The following CWC27 variants were observed in gnomAD, a reference collection of about 807,000 sequenced individuals.
CWC27 encodes CWC27 spliceosome associated cyclophilin.
Under a neutral mutation model 63.6 loss-of-function variants are expected in CWC27, and 47 were observed. The observed-to-expected ratio is 0.74, with a 90% CI of 0.58 to 0.94. The LOEUF (loss-of-function observed/expected upper bound fraction) is 0.94. CWC27 is among the 40% of genes least tolerant of loss of function. The pLI is 0.00. For synonymous variants in CWC27, 175 were observed against 179.8 expected (o/e 0.97, Z 0.22); for missense variants, 495 against 554.3 (o/e 0.89, Z 1.07).
At chr5:64,932,503 A>C (rs1327497527) in intron 11 of CWC27, among the ~76,000 whole-genome samples, 1 of 152,210 alleles carries the variant, frequency 6.6e-6, no homozygotes, top group Non-Finnish European at 1.5e-5. Context: ...GGTTTATAGA[A>C]TCATAAGGCT....
chr5:64,866,605 GTCATT>G (rs1362124875), intron 10 of CWC27, among the ~76,000 whole-genome samples: 1 of 151,970 alleles, frequency 6.6e-6, no homozygotes, highest in Non-Finnish European at 1.5e-5. Flanking sequence ...ATGTTGGGCT[GTCATT>G]TCATTCAACT....
chr5:64,914,253 C>T (rs1349814644), intron 11 of CWC27, among the ~76,000 whole-genome samples: 4 of 151,960 alleles, frequency 2.6e-5, no homozygotes, highest in South Asian at 2.1e-4. Context: ...CTTCATGTAG[C>T]GATTGAAGGA....
At chr5:64,852,412 C>A (rs1487841240) in intron 10 of CWC27, among the ~76,000 whole-genome samples, 1 of 152,064 alleles carries the variant, frequency 6.6e-6, no homozygotes, top group Non-Finnish European at 1.5e-5. Context: ...TATCTAAGAT[C>A]TACTTCAGGG....
At chr5:65,005,685 A>T (rs1749829437) in intron 13 of CWC27, among the ~76,000 whole-genome samples, 1 of 152,132 alleles carries the variant, frequency 6.6e-6, no homozygotes, top group South Asian at 2.1e-4. Context: ...GGTGAAGTAA[A>T]CCTCTCTAAA....
At chr5:64,938,360 A>G (rs1258474408) in intron 11 of CWC27, among the ~76,000 whole-genome samples, 1 of 152,094 alleles carries the variant, frequency 6.6e-6, no homozygotes, top group Non-Finnish European at 1.5e-5. Context: ...TCCTTCACTT[A>G]TGAAGCTTAG....
At chr5:64,873,388 T>C (rs997707486) in intron 10 of CWC27, among the ~76,000 whole-genome samples, 2 of 152,048 alleles carry the variant, frequency 1.3e-5, no homozygotes, top group African/African-American at 4.8e-5. Context: ...TAAATAGGTC[T>C]TCTCTGTGAT....
intron 10 of CWC27, among the ~76,000 whole-genome samples, chr5:64,873,999 C>T (rs992114238): frequency 1.3e-5 from 2 of 151,964 alleles, no homozygotes; most frequent in South Asian, 4.2e-4. Context: ...TGATAATTCA[C>T]ATGTTTTGTC....
At chr5:64,893,973 A>G in intron 11 of CWC27, among the ~76,000 whole-genome samples, 1 of 145,376 alleles carries the variant, frequency 6.9e-6, no homozygotes, top group African/African-American at 2.6e-5. Flanking sequence ...CCTGTTGCTG[A>G]GGCTTGAGTG....
chr5:64,855,085 G>A (rs1746219891), intron 10 of CWC27, among the ~76,000 whole-genome samples: 1 of 152,130 alleles, frequency 6.6e-6, no homozygotes, highest in South Asian at 2.1e-4. Flanking sequence ...TACAGTGAAT[G>A]TGGTCATGTT....
chr5:64,901,187 G>T (rs540053765), intron 11 of CWC27, among the ~76,000 whole-genome samples: 1 of 152,182 alleles, frequency 6.6e-6, no homozygotes, highest in Admixed American at 6.5e-5. Flanking sequence ...TAATACACAG[G>T]TAAGTATTTG....
chr5:64,841,495 C>A (rs865954217), intron 10 of CWC27, among the ~76,000 whole-genome samples: 2 of 152,244 alleles, frequency 1.3e-5, no homozygotes, highest in South Asian at 2.1e-4. Flanking sequence ...ATACCCTTAC[C>A]CACCTAGTTA....
intron 10 of CWC27, among the ~76,000 whole-genome samples, chr5:64,859,685 C>T (rs1746352001): frequency 6.6e-6 from 1 of 152,068 alleles, no homozygotes; most frequent in South Asian, 2.1e-4. Flanking sequence ...TCATTTATAT[C>T]AAGGTTTGTC....
chr5:64,989,162 T>G (rs1749490602), intron 13 of CWC27, among the ~76,000 whole-genome samples: 1 of 152,214 alleles, frequency 6.6e-6, no homozygotes, highest in Admixed American at 6.5e-5. Context: ...CAGCAGGGTT[T>G]TATCCCATTC....
At chr5:64,912,569 T>G (rs1747813516) in intron 11 of CWC27, among the ~76,000 whole-genome samples, 1 of 152,064 alleles carries the variant, frequency 6.6e-6, no homozygotes, top group Non-Finnish European at 1.5e-5. Context: ...AAAATGCATG[T>G]AGTGTAGGAA....
intron 7 of CWC27, among the ~76,000 whole-genome samples, chr5:64,793,681 A>T (rs1561409568): frequency 6.6e-6 from 1 of 152,166 alleles, no homozygotes. Flanking sequence ...ACTAAGAATA[A>T]TTTGCAGTTT....
intron 10 of CWC27, among the ~76,000 whole-genome samples, chr5:64,868,763 G>C (rs1000119627): frequency 6.6e-6 from 1 of 151,980 alleles, no homozygotes; most frequent in African/African-American, 2.4e-5. Flanking sequence ...TATTGAGTGT[G>C]AAATATATCA....
In CWC27 at chr5:64,776,668, G is replaced by A. The variant is rs188538304; in HGVS notation, c.139+1881G>A. 6.3e-4 allele frequency among the ~76,000 whole-genome samples: 96 copies of A among 152,206 alleles called. 1 individual carries two copies. Among genetic ancestry groups the A allele is most frequent in the African/African-American group, 2.2e-3 (90 of 41,556 alleles). ...ACAAGGATACTCCTAAATAAGTTAA[G>A]TCAAGGTTTCAAAAATATAATCCAG... On this transcript the variant is annotated intron_variant, in intron 2 of 13. Coordinates refer to ENST00000381070, the MANE Select transcript of CWC27 (RefSeq NM_005869.4).
intron 10 of CWC27, among the ~76,000 whole-genome samples, chr5:64,815,518 C>T (rs1170020158): frequency 6.6e-6 from 1 of 152,140 alleles, no homozygotes; most frequent in Non-Finnish European, 1.5e-5. Flanking sequence ...TAGGGAGGAG[C>T]AGTGAACTGT....
At chr5:64,771,688 G>A (rs1283012913) in intron 1 of CWC27, among the ~76,000 whole-genome samples, 1 of 151,834 alleles carries the variant, frequency 6.6e-6, no homozygotes, top group Non-Finnish European at 1.5e-5. Context: ...AAGTATATTT[G>A]CATATATGTT....
Sources: allele counts gnomAD v4.1 joint callset (sites outside exome capture counted in the v4.1 genomes callset), GRCh38; gene constraint gnomAD v4.1.1; transcripts MANE v1.5; gene names NCBI Gene and HGNC (gene_info 2026-07-23, HGNC 2026-07-21).